RNF130: variants seen among roughly 807,000 people sequenced by gnomAD.
RNF130 encodes the protein E3 ubiquitin-protein ligase RNF130.
RNF130 carries 21 observed loss-of-function variants against 44.6 expected under a neutral mutation model. The ratio of observed to expected loss-of-function variants is 0.47; its 90% CI spans 0.33 to 0.68. RNF130 has a LOEUF of 0.68. RNF130 is among the 30% of genes least tolerant of loss of function. RNF130 has a pLI of 0.02. For missense variants in RNF130, 479 were observed against 560.6 expected (o/e 0.85, Z 1.47); for synonymous variants, 214 against 210.4 (o/e 1.02, Z -0.15).
At chr5:180,063,034 GGGA>G (rs370271435) in intron 1 of RNF130, among the ~76,000 whole-genome samples, 48 of 152,268 alleles carry the variant, frequency 3.2e-4, no homozygotes, top group African/African-American at 1.1e-3. Flanking sequence ...CCTGGGGGTG[GGGA>G]GGAGGAAGGG....
rs1164345419 is a variant in RNF130, at chr5:179,955,425, CT to C, written c.*228del. The C allele has an allele frequency of 6.9e-6, 3 of 434,996 alleles. No homozygotes were observed. The highest frequency in any genetic ancestry group is 7.0e-5 in the East Asian group (2 of 28,514). The allele number at this position is 434,996 out of a possible 1,614,324, so 26.9% of individuals were successfully genotyped here. On this transcript the variant is annotated 3_prime_UTR_variant, in exon 9 of 9. Transcript: ENST00000521389. ...AACAAATGCAATCTGGGTCTGCGAGCTTCAAATCAGCCCTCAAAACACAGGT... is the reference window on the plus strand; with the variant it reads ...AACAAATGCAATCTGGGTCTGCGAGCTCAAATCAGCCCTCAAAACACAGGT...
chr5:179,980,256 CTTTA>C (rs1762802405), intron 3 of RNF130, 56 bp from the exon 4 acceptor site: 2 of 1,507,218 alleles, frequency 1.3e-6, no homozygotes, highest in African/African-American at 2.8e-5. Context: ...GAATGACGTA[CTTTA>C]TTTTTAAGCA....
At chr5:180,009,537 C>T (rs902471609) in intron 3 of RNF130, among the ~76,000 whole-genome samples, 3 of 152,164 alleles carry the variant, frequency 2.0e-5, no homozygotes, top group Non-Finnish European at 4.4e-5. Context: ...AGAGATGTTA[C>T]TACACAACTC....
chr5:179,918,442 G>A (rs1291957483), exon 8 of RNF130: 7 of 152,154 alleles, frequency 4.6e-5, no homozygotes, highest in African/African-American at 1.7e-4. Context: ...GGAAAACAAG[G>A]AGGTGGTATA....
intron 4 of RNF130, among the ~76,000 whole-genome samples, chr5:179,978,761 TG>T (rs1762768123): frequency 6.6e-6 from 1 of 152,116 alleles, no homozygotes; most frequent in Non-Finnish European, 1.5e-5. Flanking sequence ...ACCCCAAGAA[TG>T]GGAGCTGTGA....
chr5:179,998,857 T>TATATA (rs1554103671), intron 3 of RNF130, among the ~76,000 whole-genome samples: 2 of 65,234 alleles, frequency 3.1e-5, no homozygotes, highest in Admixed American at 1.6e-4. Flanking sequence ...ATCTAGTATT[T>TATATA]TTTATATATA....
At chr5:180,050,868 C>T (rs926554231) in intron 1 of RNF130, among the ~76,000 whole-genome samples, 5 of 152,026 alleles carry the variant, frequency 3.3e-5, no homozygotes, top group African/African-American at 1.2e-4. Flanking sequence ...AGTGCAGTGG[C>T]ACAATCAGAG....
rs1762552063 is a variant in RNF130, at chr5:179,970,327, C to T, written c.945+83G>A. On this transcript the variant is annotated intron_variant, in intron 6 of 8. Transcript: ENST00000521389. ...TTCTTCTGTGTCTTAGTCATGCCTC[C>T]TATTATGCCAATTATGTTATATTGT... The T allele has an allele frequency of 7.6e-6, 8 of 1,046,828 alleles. No homozygotes were observed. In the East Asian group the frequency reaches 1.8e-4, roughly 24 times the overall value. 64.8% of individuals were successfully genotyped at this position (1,046,828 alleles called of 1,614,324 possible).
At chr5:179,946,543 A>G (rs888923363) in intron 7 of RNF130, among the ~76,000 whole-genome samples, 1 of 149,964 alleles carries the variant, frequency 6.7e-6, no homozygotes, top group Non-Finnish European at 1.5e-5. Context: ...AGTACAGCAC[A>G]CCCACCGGGG....
intron 5 of RNF130, among the ~76,000 whole-genome samples, chr5:179,974,204 C>G (rs1335446998): frequency 6.6e-6 from 1 of 152,224 alleles, no homozygotes; most frequent in Non-Finnish European, 1.5e-5. Context: ...GGACCCTCGG[C>G]TGCAGTGGAG....
chr5:180,045,006 C>T (rs1407268615), intron 1 of RNF130, among the ~76,000 whole-genome samples: 2 of 152,164 alleles, frequency 1.3e-5, no homozygotes, highest in Non-Finnish European at 2.9e-5. Context: ...ACCCCTGAAA[C>T]TTGCGCAGCC....
chr5:179,976,153 C>G (rs1463299167), intron 5 of RNF130, among the ~76,000 whole-genome samples: 1 of 152,000 alleles, frequency 6.6e-6, no homozygotes, highest in Non-Finnish European at 1.5e-5. Context: ...GACCCCAACT[C>G]TACAAAAAAT....
intron 1 of RNF130, among the ~76,000 whole-genome samples, chr5:180,043,207 C>T (rs1311433117): frequency 6.6e-6 from 1 of 152,146 alleles, no homozygotes; most frequent in Non-Finnish European, 1.5e-5. Flanking sequence ...CACCTGTAGT[C>T]CCAGCTACTC....
At chr5:180,064,272 C>CAAATG (rs1164937160) in intron 1 of RNF130, among the ~76,000 whole-genome samples, 1 of 152,004 alleles carries the variant, frequency 6.6e-6, no homozygotes, top group Admixed American at 6.6e-5. Context: ...ATGAGCTTCT[C>CAAATG]AAATGAGAAA....
intron 7 of RNF130, among the ~76,000 whole-genome samples, chr5:179,935,515 CGTGT>C (rs34977597): frequency 2.0e-5 from 3 of 150,512 alleles, no homozygotes; most frequent in Non-Finnish European, 4.4e-5. Context: ...TATGTCAGCA[CGTGT>C]GTGTGTGTGT....
chr5:180,022,253 G>A (rs1763891146), intron 2 of RNF130, among the ~76,000 whole-genome samples: 1 of 152,154 alleles, frequency 6.6e-6, no homozygotes, highest in Admixed American at 6.5e-5. Flanking sequence ...CTGTGGGGAG[G>A]TGCTTTGAGG....
chr5:179,937,960 G>C (rs1582129418), intron 7 of RNF130, among the ~76,000 whole-genome samples: 1 of 151,236 alleles, frequency 6.6e-6, no homozygotes, highest in Admixed American at 6.6e-5. Flanking sequence ...GAGAGAGAGA[G>C]AGAGAGAGAG....
At chr5:180,060,017 T>C (rs1232296725) in intron 1 of RNF130, among the ~76,000 whole-genome samples, 1 of 152,100 alleles carries the variant, frequency 6.6e-6, no homozygotes, top group African/African-American at 2.4e-5. Flanking sequence ...GTCTTTTAAA[T>C]GTGGGTGACA....
In RNF130 at chr5:180,018,422, G is replaced by C. The variant is rs541089049; in HGVS notation, c.443-5111C>G. Among the ~76,000 whole-genome samples the C allele has an allele frequency of 2.0e-5, 3 of 152,194 alleles. No individual in the cohort carries two copies. The South Asian group carries it at 6.2e-4, about 32-fold the overall frequency. ...AAGGCACCTCTTCACAGGGCAGCAG[G>C]AGAGAGAACGAGTGCAAGTTGGGGA... is the stretch of plus-strand genomic sequence containing the variant. On this transcript the variant is annotated intron_variant, in intron 2 of 8. Coordinates refer to ENST00000521389, the MANE Select transcript of RNF130 (RefSeq NM_018434.6).
Sources: gnomAD v4.1 joint callset for allele counts (sites outside exome capture counted in the v4.1 genomes callset) on GRCh38, gnomAD v4.1.1 for gene constraint, MANE v1.5 for transcripts, NCBI Gene and HGNC (gene_info 2026-07-23, HGNC 2026-07-21) for gene names.